Variants in SORCS3 observed in about 807,000 individuals in gnomAD.
SORCS3 encodes sortilin related VPS10 domain containing receptor 3, also known as VPS10 domain-containing receptor SorCS3.
A neutral mutation model predicts 146.3 loss-of-function variants in SORCS3; 57 were observed. That is an observed-to-expected ratio of 0.39 (90% CI 0.31 to 0.49). The LOEUF (loss-of-function observed/expected upper bound fraction) is 0.49. SORCS3 is among the 20% of genes least tolerant of loss of function. The probability of loss-of-function intolerance (pLI) is 0.92; values close to 1 mark genes in which losing one functional copy is unlikely to be tolerated. For missense variants in SORCS3, 1,341 were observed against 1,575.5 expected (o/e 0.85, Z 2.52); for synonymous variants, 653 against 618.5 (o/e 1.06, Z -0.83).
chr10:104,708,682 T>TC (rs1024128164), intron 1 of SORCS3, among the ~76,000 whole-genome samples: 6 of 151,976 alleles, frequency 3.9e-5, no homozygotes, highest in Admixed American at 6.6e-5. Context: ...CCACATTTCT[T>TC]CCCCCCCATC....
chr10:105,134,733 G>A (rs930997231), intron 7 of SORCS3, among the ~76,000 whole-genome samples: 1 of 152,062 alleles, frequency 6.6e-6, no homozygotes, highest in African/African-American at 2.4e-5. Context: ...GAAACAATCG[G>A]CCCATAGCAT....
intron 5 of SORCS3, among the ~76,000 whole-genome samples, chr10:105,053,965 A>C (rs2055429682): frequency 6.6e-6 from 1 of 152,116 alleles, no homozygotes; most frequent in African/African-American, 2.4e-5. Flanking sequence ...TTTCCACTAC[A>C]ACTAAAATAC....
chr10:105,114,376 C>CG (rs1488494028), intron 7 of SORCS3, among the ~76,000 whole-genome samples: 3 of 152,086 alleles, frequency 2.0e-5, no homozygotes, highest in Non-Finnish European at 4.4e-5. Context: ...GGAAGAGGGA[C>CG]GGTCATCTTG....
At chr10:104,810,687 T>A (rs1408416144) in intron 1 of SORCS3, among the ~76,000 whole-genome samples, 1 of 152,226 alleles carries the variant, frequency 6.6e-6, no homozygotes, top group African/African-American at 2.4e-5. Context: ...AGGGTATAAG[T>A]GTTTTTAAAA....
At position 105,262,391 on chromosome 10, in the gene SORCS3, T is replaced by C. The variant is rs1006626641; in HGVS notation, c.3504T>C (p.Ile1168=). Residue 1168 remains isoleucine (I), a synonymous_variant, in exon 26 of 27, where the codon ATT becomes ATC. Coordinates refer to ENST00000369701, the MANE Select transcript of SORCS3 (RefSeq NM_014978.3). ...QVQHDKEQEM[I]GSVSQSENAP... The stretch of plus-strand genomic sequence containing the variant: ...AACACGACAAGGAGCAGGAGATGAT[T>C]GGGTCAGTGAGCCAAAGTGAAAACG... 12 of 1,613,916 alleles carry C rather than the reference T, an allele frequency of 7.4e-6. No homozygotes were observed. The highest frequency in any genetic ancestry group is 1.7e-5 in the Admixed American group (1 of 59,978).
intron 2 of SORCS3, among the ~76,000 whole-genome samples, chr10:104,849,429 A>G (rs1176406811): frequency 6.6e-6 from 1 of 150,738 alleles, no homozygotes; most frequent in Non-Finnish European, 1.5e-5. Context: ...AAAAAAAAAA[A>G]AAAAAAAAGG....
intron 13 of SORCS3, among the ~76,000 whole-genome samples, chr10:105,175,015 C>G (rs192955410): frequency 2.2e-3 from 329 of 152,226 alleles, no homozygotes; most frequent in African/African-American, 7.6e-3. Flanking sequence ...ATGGCACTCA[C>G]TGCAATTTGC....
intron 3 of SORCS3, among the ~76,000 whole-genome samples, chr10:104,918,414 G>A (rs1435196316): frequency 2.6e-5 from 4 of 152,182 alleles, no homozygotes; most frequent in Non-Finnish European, 5.9e-5. Context: ...CTCATCTTTT[G>A]CAGCTTTTCT....
chr10:104,833,045 A>G lies in SORCS3; in HGVS notation c.628-9747A>G, dbSNP rs534440001. Among the ~76,000 whole-genome samples the G allele has an allele frequency of 4.6e-5, 7 of 152,210 alleles. No individual in the cohort carries two copies. The East Asian group carries it at 9.6e-4, about 21-fold the overall frequency. ...TTTCACAAGTCCACTCAAGCATTGT[A>G]TCAGTCCAGGTGCTCTGGGTGATCA... On this transcript the variant is annotated intron_variant, in intron 1 of 26. Transcript: ENST00000369701.
At chr10:105,065,908 A>G (rs73344313) in intron 5 of SORCS3, among the ~76,000 whole-genome samples, 9,017 of 152,288 alleles carry the variant, frequency 0.059, 284 homozygotes, top group Middle Eastern at 0.088. Context: ...TGATTTATAA[A>G]TGGAATTTAG....
chr10:104,998,104 A>G (rs2055038183), intron 4 of SORCS3, among the ~76,000 whole-genome samples: 1 of 152,156 alleles, frequency 6.6e-6, no homozygotes, highest in Non-Finnish European at 1.5e-5. Flanking sequence ...TTATGGAAAA[A>G]GAGGTTCAGT....
At chr10:104,671,325 C>T (rs374605618) in intron 1 of SORCS3, among the ~76,000 whole-genome samples, 27 of 19,182 alleles carry the variant, frequency 1.4e-3, no homozygotes, top group South Asian at 4.7e-3. Context: ...CATTCTTTTC[C>T]TTTTTTTTTT....
intron 2 of SORCS3, among the ~76,000 whole-genome samples, chr10:104,855,387 G>T (rs886613897): frequency 6.6e-6 from 1 of 152,110 alleles, no homozygotes; most frequent in Non-Finnish European, 1.5e-5. Flanking sequence ...TAGGAGTTTT[G>T]TTAAACCTAT....
intron 1 of SORCS3, among the ~76,000 whole-genome samples, chr10:104,717,884 T>A (rs1328561621): frequency 2.0e-5 from 3 of 152,198 alleles, no homozygotes; most frequent in Non-Finnish European, 4.4e-5. Context: ...CTCACGCCTG[T>A]AATCCCAGCA....
chr10:105,184,938 A>G (rs538725362), intron 14 of SORCS3, among the ~76,000 whole-genome samples: 1 of 152,270 alleles, frequency 6.6e-6, no homozygotes, highest in African/African-American at 2.4e-5. Flanking sequence ...GCATAATTGG[A>G]ACTTTATGTG....
At position 105,200,867 on chromosome 10, in the gene SORCS3, C is replaced by T. The variant is rs146368893; in HGVS notation, c.2128-253C>T. Among the ~76,000 whole-genome samples the T allele has an allele frequency of 1.2e-3, 183 of 152,202 alleles. 1 individual carries two copies. The highest frequency in any genetic ancestry group is 8.5e-3 in the Admixed American group (130 of 15,284). On this transcript the variant is annotated intron_variant, in intron 15 of 26. Transcript: ENST00000369701. ...ATTCTCTATGGAGGTGGAGCAGAAA[C>T]GGGATGATGTAGACATCACTGGCTT...
intron 25 of SORCS3, among the ~76,000 whole-genome samples, chr10:105,260,202 T>A (rs1051934675): frequency 1.8e-4 from 27 of 152,158 alleles, no homozygotes; most frequent in African/African-American, 6.0e-4. Context: ...TCATAGGTAT[T>A]GTGAGAAAAG....
Position 104,725,451 on chromosome 10 carries a change from C to T in SORCS3, c.627+83497C>T, listed in dbSNP as rs186697936. On this transcript the variant is annotated intron_variant, in intron 1 of 26. Coordinates refer to ENST00000369701, the MANE Select transcript of SORCS3 (RefSeq NM_014978.3). ...GACCCACTTGAGGAGGCAGTCTGTCCGTTCTCAGATCTCCAGCTGCATGCT... is the reference window on the plus strand; with the variant it reads ...GACCCACTTGAGGAGGCAGTCTGTCTGTTCTCAGATCTCCAGCTGCATGCT... 5.4e-3 allele frequency among the ~76,000 whole-genome samples: 822 copies of T among 152,312 alleles called. 6 individuals are homozygous for T. Among genetic ancestry groups the T allele is most frequent in the Non-Finnish European group, 7.9e-3 (536 of 68,034 alleles).
intron 1 of SORCS3, among the ~76,000 whole-genome samples, chr10:104,666,596 G>C (rs2015780248): frequency 6.6e-6 from 1 of 152,012 alleles, no homozygotes; most frequent in Non-Finnish European, 1.5e-5. Context: ...ATTTTAATGA[G>C]AGCTATGCTG....
Sources: allele counts gnomAD v4.1 joint callset (sites outside exome capture counted in the v4.1 genomes callset), GRCh38; gene constraint gnomAD v4.1.1; transcripts MANE v1.5; gene names NCBI Gene and HGNC (gene_info 2026-07-23, HGNC 2026-07-21).